Variants in ANO5 observed in about 807,000 individuals in gnomAD.
ANO5 encodes the protein anoctamin 5, also known as anoctamin-5.
In ANO5, 109 loss-of-function variants were observed where a neutral mutation model predicts 121.0. The observed-to-expected ratio is 0.90, with a 90% CI of 0.77 to 1.06. The LOEUF is 1.06. Ranked by LOEUF, ANO5 falls within the 50% of genes least tolerant of loss-of-function variation. ANO5 has a pLI of 0.00. For missense variants in ANO5, 1,064 were observed against 1,078.5 expected (o/e 0.99, Z 0.19); for synonymous variants, 406 against 359.9 (o/e 1.13, Z -1.45).
intron 1 of ANO5, among the ~76,000 whole-genome samples, chr11:22,197,882 G>A (rs868396965): frequency 9.2e-5 from 14 of 152,182 alleles, no homozygotes; most frequent in South Asian, 2.1e-4. Flanking sequence ...GAAGTTGGAG[G>A]AATAGAAAGA....
chr11:22,211,381 A>G (rs972419435), intron 3 of ANO5, 67 bp downstream of exon 3: 18 of 1,477,900 alleles, frequency 1.2e-5, no homozygotes, highest in South Asian at 3.4e-5. Flanking sequence ...GTAGTCTGCA[A>G]TGATGATACT....
At position 22,279,860 on chromosome 11, in the gene ANO5, CTTTCTTTTTTTTTTT is replaced by C. The variant is rs1453083663; in HGVS notation, c.*111_*125del. On this transcript the variant is annotated 3_prime_UTR_variant, in exon 22 of 22. Transcript: ENST00000324559. ...CCAGAAGCCATGTGTCAATTTTACC[CTTTCTTTTTTTTTTT>C]TTTCTTTTTTTTTTTAAACTCAAAG... 903 of 1,006,264 alleles carry C rather than the reference CTTTCTTTTTTTTTTT, an allele frequency of 9.0e-4. 3 individuals are homozygous for C. In the African/African-American group the frequency reaches 0.018, roughly 20 times the overall value. The allele number at this position is 1,006,264 out of a possible 1,614,324, so 62.3% of individuals were successfully genotyped here. A position where few individuals can be genotyped will look rare whatever the true frequency, so the allele number is the denominator to read the frequency against.
At chr11:22,265,680 AT>A (rs1590312216) in intron 17 of ANO5, among the ~76,000 whole-genome samples, 1 of 152,114 alleles carries the variant, frequency 6.6e-6, no homozygotes, top group East Asian at 1.9e-4. Context: ...TGATATATAG[AT>A]TTATTGTTAT....
intron 3 of ANO5, among the ~76,000 whole-genome samples, chr11:22,216,150 A>T (rs1429867383): frequency 2.0e-5 from 3 of 151,866 alleles, no homozygotes; most frequent in East Asian, 3.9e-4. Flanking sequence ...ATGAACATTC[A>T]TGTAAGAAGT....
chr11:22,196,304 C>T (rs1323964913), intron 1 of ANO5, among the ~76,000 whole-genome samples: 3 of 151,970 alleles, frequency 2.0e-5, no homozygotes, highest in Non-Finnish European at 4.4e-5. Flanking sequence ...CATTAGGAAC[C>T]CAATTCTAAT....
At chr11:22,227,166 T>C (rs1564923242) in intron 6 of ANO5, 136 bp from the exon 7 acceptor site, 2 of 1,191,206 alleles carry the variant, frequency 1.7e-6, no homozygotes, top group Admixed American at 2.2e-5. Context: ...TCTCAAAGTT[T>C]TGCCTGAAAA....
intron 2 of ANO5, among the ~76,000 whole-genome samples, chr11:22,209,376 C>T (rs1273661958): frequency 3.3e-5 from 5 of 151,836 alleles, no homozygotes; most frequent in Admixed American, 1.3e-4. Context: ...ATTATTTAAT[C>T]TCACTGTATG....
intron 21 of ANO5, among the ~76,000 whole-genome samples, chr11:22,278,915 C>CA (rs1854971026): frequency 6.6e-6 from 1 of 151,342 alleles, no homozygotes; most frequent in Non-Finnish European, 1.5e-5. Context: ...GTCATACCTC[C>CA]ACTGTGTCTG....
At chr11:22,236,316 C>T in intron 8 of ANO5, 40 bp downstream of exon 8, 1 of 1,482,482 alleles carries the variant, frequency 6.7e-7, no homozygotes, top group Admixed American at 1.7e-5. Flanking sequence ...AGCTTATTTT[C>T]CTCCTGCCAT....
chr11:22,251,087 G>A (rs913314000), intron 12 of ANO5, 76 bp downstream of exon 12: 2 of 1,368,572 alleles, frequency 1.5e-6, no homozygotes, highest in Non-Finnish European at 1.0e-6. Context: ...ACATATGACA[G>A]ATGAAATATC....
chr11:22,225,905 T>TTG, intron 5 of ANO5, 79 bp from the exon 6 acceptor site: 1 of 1,075,052 alleles, frequency 9.3e-7, no homozygotes. Flanking sequence ...GTCACAGCCA[T>TTG]TGTATATTGA....
At chr11:22,234,933 C>G (rs1265116259) in intron 7 of ANO5, among the ~76,000 whole-genome samples, 3 of 152,032 alleles carry the variant, frequency 2.0e-5, no homozygotes, top group African/African-American at 7.2e-5. Flanking sequence ...CACTGACCTA[C>G]CCTCAACTTG....
At chr11:22,270,843 T>C (rs1022444092) in intron 18 of ANO5, among the ~76,000 whole-genome samples, 1 of 152,156 alleles carries the variant, frequency 6.6e-6, no homozygotes, top group Non-Finnish European at 1.5e-5. Context: ...TTGCAATTAG[T>C]ATATGTCCTT....
chr11:22,229,726 T>A (rs1206842680), intron 7 of ANO5, among the ~76,000 whole-genome samples: 1 of 152,042 alleles, frequency 6.6e-6, no homozygotes, highest in Admixed American at 6.6e-5. Flanking sequence ...AATGTCAGTA[T>A]TCATTTACCT....
chr11:22,276,556 C>T (rs966896574), intron 21 of ANO5, among the ~76,000 whole-genome samples: 1 of 151,818 alleles, frequency 6.6e-6, no homozygotes, highest in Non-Finnish European at 1.5e-5. Context: ...TAGACCTTAT[C>T]GCTCACCTTT....
In ANO5 at chr11:22,193,227, G is replaced by A. The variant is rs1365679561; in HGVS notation, c.-266G>A. 1.1e-4 allele frequency: 154 copies of A among 1,346,922 alleles called. No homozygotes were observed. Among genetic ancestry groups the A allele is most frequent in the Non-Finnish European group, 3.3e-5 (34 of 1,042,986 alleles). The allele number at this position is 1,346,922 out of a possible 1,614,324, so 83.4% of individuals were successfully genotyped here. A position where few individuals can be genotyped will look rare whatever the true frequency, so the allele number is the denominator to read the frequency against. On this transcript the variant is annotated 5_prime_UTR_variant, in exon 1 of 22. Coordinates refer to ENST00000324559, the MANE Select transcript of ANO5 (RefSeq NM_213599.3). ...AGGGTGGGGAAGCGCAGGGCCAAGC[G>A]CGCGAAGCAGGTTGTGGGGGACCGG...
intron 21 of ANO5, among the ~76,000 whole-genome samples, chr11:22,278,703 T>C (rs1215143040): frequency 6.6e-6 from 1 of 151,668 alleles, no homozygotes; most frequent in Middle Eastern, 3.2e-3. Flanking sequence ...ATATTTTCAC[T>C]GGATCCTTAC....
intron 8 of ANO5, among the ~76,000 whole-genome samples, chr11:22,238,824 G>C (rs1459027293): frequency 1.3e-5 from 2 of 152,018 alleles, no homozygotes; most frequent in Admixed American, 1.3e-4. Context: ...CATGTGCCAT[G>C]TTGGTGTGCT....
At chr11:22,215,590 T>A (rs1852412049) in intron 3 of ANO5, among the ~76,000 whole-genome samples, 1 of 151,880 alleles carries the variant, frequency 6.6e-6, no homozygotes, top group Non-Finnish European at 1.5e-5. Flanking sequence ...TTCTTTATCT[T>A]CCCCTGCAAA....
Sources: allele counts gnomAD v4.1 joint callset (sites outside exome capture counted in the v4.1 genomes callset), GRCh38; gene constraint gnomAD v4.1.1; transcripts MANE v1.5; gene names NCBI Gene and HGNC (gene_info 2026-07-23, HGNC 2026-07-21).